Variants in SARM1 observed in about 807,000 individuals in gnomAD.
The protein encoded by SARM1 is sterile alpha and TIR motif containing 1.
Under a neutral mutation model 65.1 loss-of-function variants are expected in SARM1, and 60 were observed. The observed-to-expected ratio is 0.92, with a 90% CI of 0.75 to 1.14. SARM1 has a LOEUF of 1.14. Ranked by LOEUF, SARM1 falls within the 50% of genes most tolerant of loss-of-function variation. The probability of loss-of-function intolerance (pLI) is 0.00; values close to 1 mark genes in which losing one functional copy is unlikely to be tolerated. For synonymous variants in SARM1, 417 were observed against 465.4 expected, an observed-to-expected ratio of 0.90 and a Z score of 1.34; for missense variants, 913 against 1,015.7, an observed-to-expected ratio of 0.90 and a Z score of 1.37.
At position 28,384,210 on chromosome 17, in the gene SARM1, G is replaced by T; in HGVS notation, c.1090-147G>T. 1 of 607,868 alleles carries T rather than the reference G, an allele frequency of 1.6e-6. No homozygotes were observed. The allele number at this position is 607,868 out of a possible 1,614,324, so 37.7% of individuals were successfully genotyped here. ...GAACTTCAGGAGGGGGAATCCGCAG[G>T]ACCCCATGACTTAGTGGCTGAAGGT... On this transcript the variant is annotated intron_variant, in intron 2 of 8. Coordinates refer to ENST00000585482, the MANE Select transcript of SARM1 (RefSeq NM_015077.4). This position sits in a 1 kb window ranked among gnomAD's most constrained non-coding sequence, Gnocchi z 4.4.
At position 28,400,087 on chromosome 17, in the gene SARM1, G is replaced by T. The variant is rs1246268799; in HGVS notation, c.*3801G>T. 7.5e-6 allele frequency: 2 copies of T among 267,476 alleles called. No individual in the cohort carries two copies. The highest frequency in any genetic ancestry group is 1.5e-5 in the Non-Finnish European group (2 of 137,594). 16.6% of individuals were successfully genotyped at this position (267,476 alleles called of 1,614,324 possible). Reference sequence around the variant, plus strand: ...TTTTTAAATTTTTTATACAGACAAGGTCTTGCTATGTTGCCCAGGCTGATC... The same window carrying T: ...TTTTTAAATTTTTTATACAGACAAGTTCTTGCTATGTTGCCCAGGCTGATC... On this transcript the variant is annotated 3_prime_UTR_variant, in exon 9 of 9. Coordinates refer to ENST00000585482, the MANE Select transcript of SARM1 (RefSeq NM_015077.4).
chr17:28,381,474 A>C lies in SARM1; in HGVS notation c.742A>C (p.Lys248Gln), dbSNP rs2068023703. 1 of 1,552,780 alleles carries C rather than the reference A, an allele frequency of 6.4e-7. No individual in the cohort carries two copies. The highest frequency in any genetic ancestry group is 8.7e-7 in the Non-Finnish European group (1 of 1,148,638). Residue 248 changes from lysine to glutamine, a missense_variant, in exon 2 of 9, where the codon AAG becomes CAG. Physicochemically the swap from Lys to Gln is moderately conservative, Grantham distance 53 (BLOSUM62 1). This residue lies in a region of SARM1 where 862 missense variants were observed against 952.1 expected (regional missense o/e 0.91). Transcript: ENST00000585482. ...GQAVQRRMVE[K>Q]RAAEWLFPLA... ...GGCGGTGCAGCGACGCATGGTAGAG[A>C]AGCGCGCAGCCGAGTGGCTCTTCCC...
chr17:28,386,377 T>C (rs1213861657), intron 5 of SARM1, among the ~76,000 whole-genome samples: 1 of 141,354 alleles, frequency 7.1e-6, no homozygotes, highest in Non-Finnish European at 1.5e-5. Context: ...ACCCCCACCA[T>C]CATCATTAAA....
chr17:28,384,559 A>G lies in SARM1; in HGVS notation c.1292A>G (p.Glu431Gly), dbSNP rs1555585662. 8.1e-6 allele frequency: 13 copies of G among 1,606,498 alleles called. No homozygotes were observed. The highest frequency in any genetic ancestry group is 1.1e-5 in the Non-Finnish European group (13 of 1,176,906). ...LQQIGFSKYC[E>G]SFREQQVDGD... is the part of the protein sequence containing the mutation. ...CAGATCGGTTTCTCCAAGTACTGCG[A>G]GAGCTTCCGGGTAGAGTCGCGTGGG... The change falls in exon 3 of 9, where the codon GAG (glutamate) becomes GGG (glycine). Residue 431 changes from glutamate (E) to glycine (G), a missense_variant. Transcript: ENST00000585482. This position sits in a 1 kb window ranked among gnomAD's most constrained non-coding sequence, Gnocchi z 4.4.
At chr17:28,388,044 C>A (rs2068061040) in intron 5 of SARM1, 130 bp from the exon 6 acceptor site, 3 of 711,162 alleles carry the variant, frequency 4.2e-6, no homozygotes, top group Non-Finnish European at 7.2e-6. Context: ...CTTTTTGGGG[C>A]AGGCCACCCT....
rs781925805 is a variant in SARM1 at position 28,402,247 on chromosome 17, T to C, written c.*5961T>C. ...GGGTTCTGACACTCACCCTGCTCTG[T>C]CTCTCTCACCAGCTTGGAGAGTTTA... On this transcript the variant is annotated 3_prime_UTR_variant, in exon 9 of 9. Coordinates refer to ENST00000585482, the MANE Select transcript of SARM1 (RefSeq NM_015077.4). 5 of 1,613,064 alleles carry C rather than the reference T, an allele frequency of 3.1e-6. No homozygotes were observed. Among genetic ancestry groups the C allele is most frequent in the Non-Finnish European group, 4.2e-6 (5 of 1,179,508 alleles).
intron 7 of SARM1, among the ~76,000 whole-genome samples, chr17:28,390,169 T>C (rs1434662410): frequency 1.3e-5 from 2 of 152,182 alleles, no homozygotes; most frequent in African/African-American, 2.4e-5. Context: ...AGCAGGGGCT[T>C]CCAGGCTATA....
At position 28,384,809 on chromosome 17, in the gene SARM1, G is replaced by A; in HGVS notation, c.1303-30G>A. 6.5e-7 allele frequency: 1 copy of A among 1,544,974 alleles called. No individual in the cohort carries two copies. The highest frequency in any genetic ancestry group is 8.8e-7 in the Non-Finnish European group (1 of 1,140,846). On this transcript the variant is annotated intron_variant, in intron 3 of 8. Transcript: ENST00000585482. This position sits in a 1 kb window ranked among gnomAD's most constrained non-coding sequence, Gnocchi z 4.4. The stretch of plus-strand genomic sequence containing the variant: ...CGAGGTCCAAGGGCGGAGTAGCGAA[G>A]CCCTTCCTGACACCCGACTCCTCCC...
chr17:28,394,169 G>A (rs999309117), intron 7 of SARM1, among the ~76,000 whole-genome samples: 56 of 152,214 alleles, frequency 3.7e-4, no homozygotes, highest in African/African-American at 1.3e-3. Context: ...AGTAGGGGGT[G>A]ACAGGACCTA....
At chr17:28,376,423 A>AAAAAAAAAAC (rs1567805188) in intron 1 of SARM1, among the ~76,000 whole-genome samples, 1 of 151,024 alleles carries the variant, frequency 6.6e-6, no homozygotes, top group African/African-American at 2.4e-5. Flanking sequence ...AAAAAAAAAA[A>AAAAAAAAAAC]AGAGCCAGGT....
intron 1 of SARM1, among the ~76,000 whole-genome samples, chr17:28,378,951 T>G (rs2068007130): frequency 6.6e-6 from 1 of 152,220 alleles, no homozygotes; most frequent in Admixed American, 6.5e-5. Flanking sequence ...AGTAGGCACC[T>G]GCCCATGTTA....
Position 28,385,284 on chromosome 17 carries a change from G to C in SARM1, c.1630+9G>C. 6.6e-7 allele frequency: 1 copy of C among 1,516,300 alleles called. No individual in the cohort carries two copies. Among genetic ancestry groups the C allele is most frequent in the Non-Finnish European group, 8.8e-7 (1 of 1,135,178 alleles). The allele number at this position is 1,516,300 out of a possible 1,614,324, so 93.9% of individuals were successfully genotyped here. On this transcript the variant is annotated intron_variant, in intron 5 of 8. Coordinates refer to ENST00000585482, the MANE Select transcript of SARM1 (RefSeq NM_015077.4). The surrounding 1 kb of genome is among the most constrained non-coding windows in gnomAD (Gnocchi z 4.5). The stretch of plus-strand genomic sequence containing the variant: ...CCTCACGGCGGCCAGAGGTCAGCCC[G>C]CTCACCCGGGACCCCGCCCCAGCCC...
At position 28,402,427 on chromosome 17, in the gene SARM1, AC is replaced by A; in HGVS notation, c.*6144del. 1 of 897,520 alleles carries A rather than the reference AC, an allele frequency of 1.1e-6. No homozygotes were observed. Among genetic ancestry groups the A allele is most frequent in the Non-Finnish European group, 1.7e-6 (1 of 573,510 alleles). 55.6% of individuals were successfully genotyped at this position (897,520 alleles called of 1,614,324 possible). On this transcript the variant is annotated 3_prime_UTR_variant, in exon 9 of 9. Coordinates refer to ENST00000585482, the MANE Select transcript of SARM1 (RefSeq NM_015077.4). The stretch of plus-strand genomic sequence containing the variant: ...ATACCCCACGTGGGGCTTAGGTTAG[AC>A]CCAGGAAGAACTTCCTTGATGGTGA...
Position 28,388,772 on chromosome 17 carries a change from T to C in SARM1, c.1923+233T>C, listed in dbSNP as rs570456626. Among the ~76,000 whole-genome samples, 13 of 151,210 alleles carry C rather than the reference T, an allele frequency of 8.6e-5. 1 individual carries two copies. Among genetic ancestry groups the C allele is most frequent in the Admixed American group, 4.6e-4 (7 of 15,192 alleles). ...GAGCCTCAGTTTTCTTTTTCTTTTT[T>C]TTTTTTTTTTGTTTTTGAGGTAGAG... On this transcript the variant is annotated intron_variant, in intron 7 of 8. Transcript: ENST00000585482.
intron 7 of SARM1, among the ~76,000 whole-genome samples, chr17:28,388,896 G>T (rs544708067): frequency 1.3e-5 from 2 of 151,072 alleles, no homozygotes; most frequent in African/African-American, 2.4e-5. Context: ...TCAGCCTCCC[G>T]AGTAGCTGGG....
chr17:28,404,013 TA>T lies in SARM1; in HGVS notation c.*7730del. On this transcript the variant is annotated 3_prime_UTR_variant, in exon 9 of 9. Transcript: ENST00000585482. ...GGGTAACAAAGCGAGACCCTGTCTC[TA>T]AATACATCAATCAAATAAAAATTTT... 6.4e-6 allele frequency: 1 copy of T among 156,872 alleles called. No individual in the cohort carries two copies. Among genetic ancestry groups the T allele is most frequent in the Middle Eastern group, 3.3e-3 (1 of 302 alleles). 9.7% of individuals were successfully genotyped at this position (156,872 alleles called of 1,614,324 possible).
At position 28,388,233 on chromosome 17, in the gene SARM1, G is replaced by A; in HGVS notation, c.1690G>A (p.Val564Ile). Reference protein sequence around the residue: ...GGKPSGDTPDVFISYRRNSGS... With the variant: ...GGKPSGDTPDIFISYRRNSGS... Reference sequence around the variant, plus strand: ...CAAACCCAGTGGGGACACTCCAGATGTCTTCATCAGCTACCGCCGGAACTC... The same window carrying A: ...CAAACCCAGTGGGGACACTCCAGATATCTTCATCAGCTACCGCCGGAACTC... The change falls in exon 6 of 9, where the codon GTC becomes ATC. Residue 564 changes from valine to isoleucine, a missense_variant. By Grantham distance (29) the Val-to-Ile change is conservative (BLOSUM62 3). This residue lies in a region of SARM1 where 862 missense variants were observed against 952.1 expected (regional missense o/e 0.91). Transcript: ENST00000585482. 2 of 1,551,420 alleles carry A rather than the reference G, an allele frequency of 1.3e-6. No homozygotes were observed. Among genetic ancestry groups the A allele is most frequent in the African/African-American group, 1.4e-5 (1 of 73,192 alleles).
rs1404173387 is a variant in SARM1 at position 28,381,721 on chromosome 17, T to G, written c.989T>G (p.Leu330Arg). ...CGCGGGCCCGACGACCTGCAGCGCC[T>G]CGTGCCGTTGCTCGACTCTAACCGC... Reference protein sequence around the residue: ...QGRGPDDLQRLVPLLDSNRLE... With the variant: ...QGRGPDDLQRRVPLLDSNRLE... The change falls in exon 2 of 9, where the codon CTC becomes CGC. Residue 330 changes from leucine to arginine, a missense_variant. By Grantham distance (102) the Leu-to-Arg change is moderately radical. This residue lies in a region of SARM1 where 862 missense variants were observed against 952.1 expected (regional missense o/e 0.91). Coordinates refer to ENST00000585482, the MANE Select transcript of SARM1 (RefSeq NM_015077.4). 4 of 1,554,042 alleles carry G rather than the reference T, an allele frequency of 2.6e-6. No homozygotes were observed. Among genetic ancestry groups the G allele is most frequent in the Non-Finnish European group, 3.5e-6 (4 of 1,150,250 alleles).
In SARM1 at chr17:28,399,988, G is replaced by A; in HGVS notation, c.*3702G>A. The A allele has an allele frequency of 2.3e-6, 1 of 432,282 alleles. No homozygotes were observed. The highest frequency in any genetic ancestry group is 4.3e-6 in the Non-Finnish European group (1 of 234,184). 26.8% of individuals were successfully genotyped at this position (432,282 alleles called of 1,614,324 possible). A position where few individuals can be genotyped will look rare whatever the true frequency, so the allele number is the denominator to read the frequency against. On this transcript the variant is annotated 3_prime_UTR_variant, in exon 9 of 9. Transcript: ENST00000585482. ...AGCTCACTGTACCCTTGAACTCCTG[G>A]GCTCAAGTGATCCTCCTGCCTCAGC... is the stretch of plus-strand genomic sequence containing the variant.
Sources: gnomAD v4.1 joint callset for allele counts (sites outside exome capture counted in the v4.1 genomes callset) on GRCh38, gnomAD v4.1.1 for gene constraint, gnomAD v4.1.1 regional missense constraint, Gnocchi (gnomAD v3.1) non-coding constraint, MANE v1.5 for transcripts, NCBI Gene and HGNC (gene_info 2026-07-23, HGNC 2026-07-21) for gene names.